Variants in DPF3 observed in about 807,000 individuals in gnomAD.
The protein encoded by DPF3 is double PHD fingers 3.
In DPF3, 18 loss-of-function variants were observed where a neutral mutation model predicts 56.8. The observed-to-expected ratio is 0.32, with a 90% CI of 0.22 to 0.47. The LOEUF (loss-of-function observed/expected upper bound fraction) is 0.47, where lower values mean the gene tolerates loss of function less well. Ranked by LOEUF, DPF3 falls within the 20% of genes least tolerant of loss-of-function variation. The pLI is 1.00. For synonymous variants in DPF3, 188 were observed against 180.2 expected (o/e 1.04, Z -0.35); for missense variants, 403 against 488.8 (o/e 0.82, Z 1.65).
chr14:72,893,574 G>C (rs1886861847), intron 1 of DPF3, among the ~76,000 whole-genome samples: 1 of 151,984 alleles, frequency 6.6e-6, no homozygotes, highest in South Asian at 2.1e-4. Context: ...CCGTCCGCTG[G>C]ACCCAGCGGA....
At position 72,699,494 on chromosome 14, in the gene DPF3, C is replaced by T. The variant is rs1442515717; in HGVS notation, c.605-6281G>A. On this transcript the variant is annotated intron_variant, in intron 6 of 10. Transcript: ENST00000556509. ...CCATGATTGTGCCACTGCACTCCAGCCTGGGTGACAGAGATTCTGTCTCAA... is the reference window on the plus strand; with the variant it reads ...CCATGATTGTGCCACTGCACTCCAGTCTGGGTGACAGAGATTCTGTCTCAA... Among the ~76,000 whole-genome samples, 3 of 147,282 alleles carry T rather than the reference C, an allele frequency of 2.0e-5. No homozygotes were observed. The East Asian group carries it at 6.0e-4, about 30-fold the overall frequency.
At chr14:72,670,809 A>G (rs1886638492) in intron 8 of DPF3, 6 of 1,108,092 alleles carry the variant, frequency 5.4e-6, no homozygotes, top group Non-Finnish European at 6.6e-6. Flanking sequence ...CTCCTGTCAA[A>G]AAGACCCCCT....
chr14:72,623,488 G>A (rs1367333312), intron 9 of DPF3, among the ~76,000 whole-genome samples: 3 of 151,348 alleles, frequency 2.0e-5, no homozygotes, highest in Non-Finnish European at 3.0e-5. Flanking sequence ...GCATATATAT[G>A]TGTGTGTGTG....
intron 1 of DPF3, among the ~76,000 whole-genome samples, chr14:72,850,201 G>A (rs977139218): frequency 1.3e-5 from 2 of 152,122 alleles, no homozygotes; most frequent in South Asian, 4.2e-4. Flanking sequence ...ATCAGGAGCC[G>A]TGACAACACT....
At chr14:72,661,853 GCTTTT>G (rs1886227154) in intron 8 of DPF3, 1 of 899,878 alleles carries the variant, frequency 1.1e-6, no homozygotes. Flanking sequence ...TTTTATTTTT[GCTTTT>G]TTTTTTTTTT....
At chr14:72,833,618 TGAG>T (rs958318019) in intron 1 of DPF3, among the ~76,000 whole-genome samples, 17 of 151,986 alleles carry the variant, frequency 1.1e-4, no homozygotes, top group Admixed American at 2.0e-4. Context: ...CAAAAAACGT[TGAG>T]GAGTAGCCAA....
At chr14:72,694,646 A>G (rs1887834097) in intron 6 of DPF3, among the ~76,000 whole-genome samples, 1 of 152,242 alleles carries the variant, frequency 6.6e-6, no homozygotes, top group African/African-American at 2.4e-5. Context: ...CCATATTTAC[A>G]TAAACTATTT....
intron 1 of DPF3, among the ~76,000 whole-genome samples, chr14:72,833,409 G>C (rs1274601859): frequency 6.6e-6 from 1 of 152,164 alleles, no homozygotes; most frequent in African/African-American, 2.4e-5. Context: ...GTCCTGGTTG[G>C]ATATACAAAT....
At chr14:72,751,513 G>A (rs536826494) in intron 3 of DPF3, among the ~76,000 whole-genome samples, 22 of 152,318 alleles carry the variant, frequency 1.4e-4, no homozygotes, top group Non-Finnish European at 1.0e-4. Flanking sequence ...GGCCAGGACC[G>A]CACTTTGAAT....
chr14:72,818,228 G>A (rs966016819), intron 1 of DPF3, among the ~76,000 whole-genome samples: 16 of 151,428 alleles, frequency 1.1e-4, no homozygotes, highest in Non-Finnish European at 1.8e-4. Flanking sequence ...GCAACAGAGC[G>A]AGACTCTGCC....
chr14:72,884,567 G>A (rs1012744164), intron 1 of DPF3, among the ~76,000 whole-genome samples: 11 of 151,892 alleles, frequency 7.2e-5, no homozygotes, highest in Admixed American at 5.3e-4. Context: ...GGAGGAGAAG[G>A]GAGACACAAG....
chr14:72,687,462 T>C (rs1306888853), intron 7 of DPF3, among the ~76,000 whole-genome samples: 1 of 152,226 alleles, frequency 6.6e-6, no homozygotes, highest in Non-Finnish European at 1.5e-5. Flanking sequence ...CTTCTAGTAA[T>C]TGCTACTCTG....
Position 72,723,645 on chromosome 14 carries a change from C to A in DPF3, c.513G>T (p.Arg171Ser). ...ATCCCCAACTTACCCGTCCTCTAGT[C>A]CTGTTCTTTCGCTTGGGAATATCCT... The part of the protein sequence containing the change: ...LEEDIPKRKN[R>S]TRGRARGSAG... Residue 171 changes from arginine to serine, a missense_variant, in exon 5 of 11, where the codon AGG (arginine) becomes AGT (serine). Around this residue, in one of 2 missense-constraint regions of DPF3, gnomAD observed 340 missense variants for 374.3 expected, o/e 0.91. Transcript: ENST00000556509. 1.3e-6 allele frequency: 2 copies of A among 1,582,564 alleles called. No individual in the cohort carries two copies. Among genetic ancestry groups the A allele is most frequent in the Non-Finnish European group, 1.7e-6 (2 of 1,170,424 alleles).
At chr14:72,633,842 G>A (rs948441787) in intron 8 of DPF3, among the ~76,000 whole-genome samples, 9 of 152,160 alleles carry the variant, frequency 5.9e-5, no homozygotes, top group African/African-American at 2.2e-4. Flanking sequence ...AATATTTATC[G>A]AGAGCCAGCT....
chr14:72,640,204 G>A (rs1255721424), intron 8 of DPF3, among the ~76,000 whole-genome samples: 2 of 152,114 alleles, frequency 1.3e-5, no homozygotes, highest in African/African-American at 4.8e-5. Flanking sequence ...TGCTAGAAAG[G>A]TATGAGGAAA....
At position 72,609,992 on chromosome 14, in the gene DPF3, A is replaced by C. The variant is rs1883628869; in HGVS notation, c.*9305T>G. On this transcript the variant is annotated 3_prime_UTR_variant, in exon 11 of 11. Transcript: ENST00000556509. Reference sequence around the variant, plus strand: ...AGAGCAAAAAGGGAAACCCTCTTTCATAGGCATTTCTCTCACTGGAGACCC... The same window carrying C: ...AGAGCAAAAAGGGAAACCCTCTTTCCTAGGCATTTCTCTCACTGGAGACCC... Among the ~76,000 whole-genome samples, 1 of 152,224 alleles carries C rather than the reference A, an allele frequency of 6.6e-6. No individual in the cohort carries two copies. Among genetic ancestry groups the C allele is most frequent in the Admixed American group, 6.5e-5 (1 of 15,284 alleles).
intron 3 of DPF3, among the ~76,000 whole-genome samples, chr14:72,740,273 G>A (rs541207378): frequency 3.3e-5 from 5 of 152,344 alleles, no homozygotes; most frequent in East Asian, 3.9e-4. Context: ...ATGGCAAGCC[G>A]CTGGAGGTGT....
Position 72,856,685 on chromosome 14 carries a change from C to T in DPF3, c.32+37372G>A, listed in dbSNP as rs147478227. On this transcript the variant is annotated intron_variant, in intron 1 of 10. Transcript: ENST00000556509. ...AGCTGTTTCCTCCTCCATCTGCCCC[C>T]ATTTTCCCAGGCCTGACTAGAGCAA... Among the ~76,000 whole-genome samples, 838 of 152,358 alleles carry T rather than the reference C, an allele frequency of 5.5e-3. 2 individuals are homozygous for T. Among genetic ancestry groups the T allele is most frequent in the Middle Eastern group, 0.014 (4 of 294 alleles).
At chr14:72,829,663 C>T (rs1372123439) in intron 1 of DPF3, among the ~76,000 whole-genome samples, 2 of 152,122 alleles carry the variant, frequency 1.3e-5, no homozygotes, top group Admixed American at 6.5e-5. Context: ...GGATTACAGA[C>T]GTGAGCCACT....
Sources: gnomAD v4.1 joint callset for allele counts (sites outside exome capture counted in the v4.1 genomes callset) on GRCh38, gnomAD v4.1.1 for gene constraint, gnomAD v4.1.1 regional missense constraint, MANE v1.5 for transcripts, NCBI Gene and HGNC (gene_info 2026-07-23, HGNC 2026-07-21) for gene names.